Variants in FGD6 observed in about 807,000 individuals in gnomAD.
The protein encoded by FGD6 is FYVE, RhoGEF and PH domain containing 6, also known as FYVE, RhoGEF and PH domain-containing protein 6.
FGD6 carries 90 observed loss-of-function variants against 149.4 expected under a neutral mutation model. The observed-to-expected ratio is 0.60, with a 90% confidence interval of 0.51 to 0.72. The LOEUF (loss-of-function observed/expected upper bound fraction) is 0.72. Ranked by LOEUF, FGD6 falls within the 30% of genes least tolerant of loss-of-function variation. FGD6 has a pLI of 0.00. For missense variants in FGD6, 1,437 were observed against 1,684.8 expected, an observed-to-expected ratio of 0.85 and a Z score of 2.57; for synonymous variants, 527 against 584.0, an observed-to-expected ratio of 0.90 and a Z score of 1.41.
In FGD6 at chr12:95,141,492, T is replaced by C. The variant is rs373362402; in HGVS notation, c.2733A>G (p.Pro911=). ...GATTTAGAATCCGGTCCTCAATCAC[T>C]GGTTTCCCAAGTTGCCTGGAAGCAT... ...VAHASRQLGK[P]VIEDRILNQI... is the part of the protein sequence containing the mutation. The change falls in exon 6 of 21, where the codon CCA becomes CCG. Residue 911 remains proline, a synonymous_variant. Coordinates refer to ENST00000343958, the MANE Select transcript of FGD6 (RefSeq NM_018351.4). 12 of 1,614,022 alleles carry C rather than the reference T, an allele frequency of 7.4e-6. No homozygotes were observed. The African/African-American group carries it at 1.3e-4, about 18-fold the overall frequency.
chr12:95,125,798 C>G lies in FGD6; in HGVS notation c.3082+8941G>C, dbSNP rs926684766. On this transcript the variant is annotated intron_variant, in intron 8 of 20. Transcript: ENST00000343958. The stretch of plus-strand genomic sequence containing the variant: ...ACTTCATGGAGGTTGGCTGGGCAAC[C>G]TACGTCGCCTTTGGACCTCATGCTG... 53 of 795,196 alleles carry G rather than the reference C, an allele frequency of 6.7e-5. 1 individual carries two copies. The South Asian group carries it at 6.7e-4, about 10-fold the overall frequency. The allele number at this position is 795,196 out of a possible 1,614,324, so 49.3% of individuals were successfully genotyped here. A position where few individuals can be genotyped will look rare whatever the true frequency, so the allele number is the denominator to read the frequency against.
At chr12:95,097,502 G>A (rs573207351) in intron 14 of FGD6, among the ~76,000 whole-genome samples, 15 of 152,082 alleles carry the variant, frequency 9.9e-5, no homozygotes, top group South Asian at 6.2e-4. Context: ...CAGGCATGGC[G>A]GTGCGCACCT....
intron 14 of FGD6, among the ~76,000 whole-genome samples, chr12:95,101,667 G>A (rs1199929629): frequency 7.3e-6 from 1 of 136,760 alleles, no homozygotes; most frequent in Non-Finnish European, 1.6e-5. Flanking sequence ...TGGTCTTAAT[G>A]TTCTTTGAAC....
intron 5 of FGD6, among the ~76,000 whole-genome samples, chr12:95,149,223 A>G (rs1592852669): frequency 2.3e-5 from 1 of 43,204 alleles, no homozygotes; most frequent in South Asian, 1.1e-3. Context: ...TATATAATAT[A>G]TAGCATATAT....
chr12:95,186,225 CTTCTTTTTTTTTTTTTT>C lies in FGD6; in HGVS notation c.2442-13498_2442-13482del, dbSNP rs1441337342. Among the ~76,000 whole-genome samples the C allele has an allele frequency of 2.7e-3, 191 of 71,180 alleles. 30 individuals are homozygous for C. Among genetic ancestry groups the C allele is most frequent in the East Asian group, 5.3e-3 (11 of 2,076 alleles). 46.7% of individuals were successfully genotyped at this position (71,180 alleles called of 152,430 possible). A position where few individuals can be genotyped will look rare whatever the true frequency, so the allele number is the denominator to read the frequency against. On this transcript the variant is annotated intron_variant, in intron 2 of 20. Transcript: ENST00000343958. ...AGCTAAGAATGCTTCTTATATTCTT[CTTCTTTTTTTTTTTTTT>C]TTTTTTTTTTTTTTTTTTTTTTTTG...
intron 12 of FGD6, among the ~76,000 whole-genome samples, chr12:95,107,286 A>G (rs1878659901): frequency 6.6e-6 from 1 of 152,218 alleles, no homozygotes; most frequent in African/African-American, 2.4e-5. Context: ...TTTGAATTCT[A>G]AATCCCACAA....
rs547897624 is a variant in FGD6, at chr12:95,167,112, C to T, written c.2586+5488G>A. On this transcript the variant is annotated intron_variant, in intron 3 of 20. Transcript: ENST00000343958. ...CCTAGTGATCTGCCCACCTTGGCCT[C>T]GCAAAGTGCTGGGATTACAGGCATG... Among the ~76,000 whole-genome samples the T allele has an allele frequency of 8.9e-4, 136 of 152,226 alleles. 1 individual carries two copies. The highest frequency in any genetic ancestry group is 3.4e-3 in the Middle Eastern group (1 of 294).
At position 95,116,745 on chromosome 12, in the gene FGD6, TATCCATCC is replaced by T. The variant is rs926408921; in HGVS notation, c.3083-3052_3083-3045del. 1.2e-3 allele frequency: 513 copies of T among 440,012 alleles called. 7 individuals are homozygous for T. The highest frequency in any genetic ancestry group is 7.6e-3 in the South Asian group (474 of 61,988). The allele number at this position is 440,012 out of a possible 1,614,324, so 27.3% of individuals were successfully genotyped here. ...GTCTACAAAATCCAACTCTCCAACTTATCCATCCATCCATCCATCCATCAACCCATCCA... is the reference window on the plus strand; with the variant it reads ...GTCTACAAAATCCAACTCTCCAACTTATCCATCCATCCATCAACCCATCCA... On this transcript the variant is annotated intron_variant, in intron 8 of 20. Coordinates refer to ENST00000343958, the MANE Select transcript of FGD6 (RefSeq NM_018351.4).
At chr12:95,204,337 C>G (rs2056681743) in intron 2 of FGD6, among the ~76,000 whole-genome samples, 1 of 152,166 alleles carries the variant, frequency 6.6e-6, no homozygotes, top group South Asian at 2.1e-4. Context: ...GTCTCCTCCT[C>G]TGGTTTCTTC....
chr12:95,210,784 T>C lies in FGD6; in HGVS notation c.500A>G (p.Lys167Arg). Residue 167 changes from lysine to arginine, a missense_variant, in exon 2 of 21, where the codon AAG becomes AGG. Physicochemically the swap from Lys to Arg is conservative, Grantham distance 26. This residue lies in a region of FGD6 where 1,055 missense variants were observed against 1,146.0 expected (regional missense o/e 0.92). Transcript: ENST00000343958. ...CTTTAAAACAACCCCACCCTGGTTC[T>C]TGGCTTTTTCACCATACAAATCACA... ...SKCDLYGEKA[K>R]NQGGVVLKAS... The C allele has an allele frequency of 6.2e-7, 1 of 1,614,152 alleles. No individual in the cohort carries two copies. Among genetic ancestry groups the C allele is most frequent in the African/African-American group, 1.3e-5 (1 of 75,046 alleles).
intron 8 of FGD6, among the ~76,000 whole-genome samples, chr12:95,121,211 G>T (rs1245138566): frequency 6.6e-6 from 1 of 151,736 alleles, no homozygotes; most frequent in Non-Finnish European, 1.5e-5. Context: ...AGGCCGAAGC[G>T]GGCAGATCAC....
intron 2 of FGD6, among the ~76,000 whole-genome samples, chr12:95,181,681 C>T (rs1881283872): frequency 6.8e-6 from 1 of 147,758 alleles, no homozygotes; most frequent in African/African-American, 2.5e-5. Flanking sequence ...CAGTTGGGCA[C>T]AGTGGCTCAC....
chr12:95,089,861 A>T lies in FGD6; in HGVS notation c.3851-165T>A, dbSNP rs145632288. ...AATGGATGGCTGGGAGTTGAGTGGC[A>T]GGAAGACTTTCTACTATCTATGGTT... On this transcript the variant is annotated intron_variant, in intron 17 of 20. Transcript: ENST00000343958. Among the ~76,000 whole-genome samples the T allele has an allele frequency of 1.4e-4, 21 of 152,330 alleles. No individual in the cohort carries two copies. In the East Asian group the frequency reaches 4.1e-3, roughly 29 times the overall value.
At position 95,210,433 on chromosome 12, in the gene FGD6, A is replaced by G. The variant is rs1312400446; in HGVS notation, c.851T>C (p.Ile284Thr). ...ALENGKRSTL[I>T]SSDGVSKKSE... is the part of the protein sequence containing the mutation. ...TTTCTTACTAACTCCATCTGAAGAT[A>G]TTAAAGTACTCCTTTTCCCATTTTC... The change falls in exon 2 of 21, where the codon ATA becomes ACA. Residue 284 changes from isoleucine to threonine, a missense_variant. Physicochemically the swap from Ile to Thr is moderately conservative, Grantham distance 89 (BLOSUM62 -1). Transcript: ENST00000343958. 1 of 1,614,168 alleles carries G rather than the reference A, an allele frequency of 6.2e-7. No individual in the cohort carries two copies. The highest frequency in any genetic ancestry group is 1.7e-5 in the Admixed American group (1 of 60,014).
intron 5 of FGD6, among the ~76,000 whole-genome samples, chr12:95,150,189 G>C (rs921782507): frequency 6.6e-6 from 1 of 151,650 alleles, no homozygotes; most frequent in Non-Finnish European, 1.5e-5. Context: ...CACCACGCCC[G>C]GCTAATTTTT....
intron 19 of FGD6, 188 bp downstream of exon 19, chr12:95,085,592 G>T: frequency 1.7e-6 from 1 of 572,136 alleles, no homozygotes; most frequent in Non-Finnish European, 2.9e-6. Context: ...TAACACATTT[G>T]AGAAAGAGCT....
intron 1 of FGD6, 89 bp downstream of exon 1, chr12:95,217,136 C>T: frequency 1.3e-6 from 2 of 1,581,404 alleles, no homozygotes; most frequent in Non-Finnish European, 1.7e-6. Flanking sequence ...CACAACTCGC[C>T]CACCCCGGCG....
At chr12:95,114,979 C>G (rs1349470789) in intron 8 of FGD6, among the ~76,000 whole-genome samples, 1 of 152,196 alleles carries the variant, frequency 6.6e-6, no homozygotes, top group Non-Finnish European at 1.5e-5. Flanking sequence ...CTTCCTCTGT[C>G]TCGCTTATAC....
intron 3 of FGD6, among the ~76,000 whole-genome samples, chr12:95,161,302 C>G (rs1880634296): frequency 6.6e-6 from 1 of 150,818 alleles, no homozygotes; most frequent in African/African-American, 2.4e-5. Flanking sequence ...TTGAGACCAG[C>G]CTGGCCAACA....
Sources: gnomAD v4.1 joint callset for allele counts (sites outside exome capture counted in the v4.1 genomes callset) on GRCh38, gnomAD v4.1.1 for gene constraint, gnomAD v4.1.1 regional missense constraint, MANE v1.5 for transcripts, NCBI Gene and HGNC (gene_info 2026-07-23, HGNC 2026-07-21) for gene names.